The following CCDC158 variants were observed in gnomAD, a reference collection of about 807,000 sequenced individuals.
CCDC158 encodes the protein coiled-coil domain-containing protein 158.
A neutral mutation model predicts 138.6 loss-of-function variants in CCDC158; 116 were observed. The ratio of observed to expected loss-of-function variants is 0.84; its 90% CI spans 0.72 to 0.98. The LOEUF is 0.98. Among genes scored for constraint, CCDC158 ranks in the 50% least tolerant of loss-of-function variants. The pLI is 0.00. For synonymous variants in CCDC158, 436 were observed against 442.4 expected, an observed-to-expected ratio of 0.99 and a Z score of 0.18; for missense variants, 1,265 against 1,306.1, an observed-to-expected ratio of 0.97 and a Z score of 0.48.
At chr4:76,383,924 C>T (rs1726525029) in intron 6 of CCDC158, among the ~76,000 whole-genome samples, 164 bp downstream of exon 6, 1 of 152,082 alleles carries the variant, frequency 6.6e-6, no homozygotes, top group South Asian at 2.1e-4. Context: ...ATACGGTAAA[C>T]CAAGCTAGTT....
intron 2 of CCDC158, chr4:76,407,221 C>T (rs962617434): frequency 2.0e-5 from 3 of 152,130 alleles, no homozygotes; most frequent in African/African-American, 7.2e-5. Flanking sequence ...ATTTCACTCA[C>T]ATTTTCTTCC....
chr4:76,321,962 G>T (rs1007794619), intron 24 of CCDC158, among the ~76,000 whole-genome samples: 1 of 151,440 alleles, frequency 6.6e-6, no homozygotes, highest in Non-Finnish European at 1.5e-5. Flanking sequence ...CTATGAGGAC[G>T]CAAAGGCATA....
At chr4:76,380,833 T>C (rs1253821308) in intron 8 of CCDC158, among the ~76,000 whole-genome samples, 2 of 152,214 alleles carry the variant, frequency 1.3e-5, no homozygotes, top group Non-Finnish European at 2.9e-5. Context: ...CAGGGCCCTC[T>C]CTATCGCTCT....
Position 76,323,424 on chromosome 4 carries a change from CT to C in CCDC158, c.3170-16del. The C allele has an allele frequency of 6.3e-7, 1 of 1,576,248 alleles. No homozygotes were observed. Among genetic ancestry groups the C allele is most frequent in the Non-Finnish European group, 8.7e-7 (1 of 1,152,456 alleles). On this transcript the variant is annotated splice_polypyrimidine_tract_variant and intron_variant, in intron 23 of 24. Transcript: ENST00000682701. Reference sequence around the variant, plus strand: ...AGACTGTGAATCTATTAGAAAATTGCTTAGATGTGATATTAAAAGTCTACTC... The same window carrying C: ...AGACTGTGAATCTATTAGAAAATTGCTAGATGTGATATTAAAAGTCTACTC...
chr4:76,405,721 G>A (rs1005516462), intron 2 of CCDC158, among the ~76,000 whole-genome samples: 3 of 152,062 alleles, frequency 2.0e-5, no homozygotes, highest in Non-Finnish European at 2.9e-5. Flanking sequence ...ACTTAAAATG[G>A]AATAGACAGC....
chr4:76,330,386 A>G (rs1016845913), intron 21 of CCDC158, among the ~76,000 whole-genome samples: 1 of 152,236 alleles, frequency 6.6e-6, no homozygotes. Context: ...GAAAATAAGA[A>G]TTTTTATTAA....
chr4:76,318,454 A>G (rs974959656), intron 24 of CCDC158, among the ~76,000 whole-genome samples: 2 of 152,148 alleles, frequency 1.3e-5, no homozygotes, highest in African/African-American at 2.4e-5. Context: ...CTCCTGATTA[A>G]GCTAGGAAAA....
intron 4 of CCDC158, among the ~76,000 whole-genome samples, chr4:76,388,563 C>G (rs565653706): frequency 6.6e-6 from 1 of 152,146 alleles, no homozygotes; most frequent in Admixed American, 6.5e-5. Flanking sequence ...TCAGCTTAGC[C>G]GCAGTAGAAA....
chr4:76,335,231 G>T (rs1387810870), intron 18 of CCDC158, among the ~76,000 whole-genome samples: 1 of 152,140 alleles, frequency 6.6e-6, no homozygotes, highest in Admixed American at 6.5e-5. Flanking sequence ...TCTCTAAAAA[G>T]ATGATCCAAT....
At chr4:76,344,451 A>C in intron 18 of CCDC158, 1 of 649,954 alleles carries the variant, frequency 1.5e-6, no homozygotes, top group Non-Finnish European at 2.8e-6. Context: ...GTTTGGACCA[A>C]AAATGAGTTT....
Position 76,313,143 on chromosome 4 carries a change from C to T in CCDC158, c.*27G>A, listed in dbSNP as rs755403259. 61 of 1,473,584 alleles carry T rather than the reference C, an allele frequency of 4.1e-5. No individual in the cohort carries two copies. The East Asian group carries it at 1.3e-3, about 31-fold the overall frequency. 91.3% of individuals were successfully genotyped at this position (1,473,584 alleles called of 1,614,324 possible). A position where few individuals can be genotyped will look rare whatever the true frequency, so the allele number is the denominator to read the frequency against. ...CACCACAATTAATTGGGCCTCATTC[C>T]TCTGTAAAGAATAGGCAAGCAACGA... On this transcript the variant is annotated 3_prime_UTR_variant, in exon 25 of 25. Transcript: ENST00000682701.
chr4:76,417,862 G>GC (rs1232015059), intron 1 of CCDC158, among the ~76,000 whole-genome samples: 1 of 152,146 alleles, frequency 6.6e-6, no homozygotes, highest in East Asian at 1.9e-4. Context: ...AATGAGAAGA[G>GC]CTCAGTGTTC....
At chr4:76,394,103 G>A (rs534644447) in intron 4 of CCDC158, among the ~76,000 whole-genome samples, 4 of 152,076 alleles carry the variant, frequency 2.6e-5, no homozygotes, top group East Asian at 1.9e-4. Context: ...TAGAGCTACC[G>A]TATGATCCAG....
chr4:76,316,339 G>C (rs59026758), intron 24 of CCDC158, among the ~76,000 whole-genome samples: 2 of 152,224 alleles, frequency 1.3e-5, no homozygotes, highest in African/African-American at 4.8e-5. Context: ...CAATAGACTA[G>C]AACAAGTAGA....
rs1230559383 is a variant in CCDC158, at chr4:76,325,911, A to G, written c.3115T>C (p.Ser1039Pro). 3 of 1,613,718 alleles carry G rather than the reference A, an allele frequency of 1.9e-6. No individual in the cohort carries two copies. The South Asian group carries it at 3.3e-5, about 18-fold the overall frequency. The change falls in exon 23 of 25, where the codon TCC becomes CCC. Residue 1039 changes from serine (S) to proline (P), a missense_variant. Transcript: ENST00000682701. Reference sequence around the variant, plus strand: ...TTGGCAGATCTATACTGTGATGTGGAACCTATTGAACCTTCAACTGAACTA... The same window carrying G: ...TTGGCAGATCTATACTGTGATGTGGGACCTATTGAACCTTCAACTGAACTA... ...LTSSVEGSIG[S>P]TSQYRSAKPI...
Position 76,383,732 on chromosome 4 carries a change from C to T in CCDC158, c.733G>A (p.Asp245Asn). ...YLKGRIFPVEDQLEALKSESQ... is the reference protein window; with the variant it reads ...YLKGRIFPVENQLEALKSESQ... Reference sequence around the variant, plus strand: ...TCAGATTTCAGTGCTTCAAGTTGATCCTCTACCTGGTTTTTAAAAAGAGAC... The same window carrying T: ...TCAGATTTCAGTGCTTCAAGTTGATTCTCTACCTGGTTTTTAAAAAGAGAC... Residue 245 changes from aspartate (D) to asparagine (N), a missense_variant, in exon 7 of 25, where the codon GAT (aspartate) becomes AAT (asparagine). By Grantham distance (23) the Asp-to-Asn change is conservative (BLOSUM62 1). Coordinates refer to ENST00000682701, the MANE Select transcript of CCDC158 (RefSeq NM_001394954.1). 5 of 1,611,638 alleles carry T rather than the reference C, an allele frequency of 3.1e-6. No individual in the cohort carries two copies. The highest frequency in any genetic ancestry group is 3.4e-6 in the Non-Finnish European group (4 of 1,177,936).
intron 1 of CCDC158, among the ~76,000 whole-genome samples, chr4:76,413,636 A>G (rs1170212192): frequency 6.6e-6 from 1 of 152,140 alleles, no homozygotes; most frequent in African/African-American, 2.4e-5. Context: ...CTTCCTTGAG[A>G]GGTGTTGAAG....
At chr4:76,384,052 A>C in intron 6 of CCDC158, 36 bp downstream of exon 6, 2 of 1,363,532 alleles carry the variant, frequency 1.5e-6, no homozygotes, top group Middle Eastern at 1.8e-4. Context: ...ATGCATTTTA[A>C]TATAAAATTA....
intron 9 of CCDC158, among the ~76,000 whole-genome samples, chr4:76,378,620 C>G (rs1265797101): frequency 6.6e-6 from 1 of 152,120 alleles, no homozygotes; most frequent in Non-Finnish European, 1.5e-5. Context: ...GGAATGAAGA[C>G]CACCACTCCT....
Sources: gnomAD v4.1 joint callset for allele counts (sites outside exome capture counted in the v4.1 genomes callset) on GRCh38, gnomAD v4.1.1 for gene constraint, MANE v1.5 for transcripts, NCBI Gene and HGNC (gene_info 2026-07-23, HGNC 2026-07-21) for gene names.